The following TRPM6 variants were observed in gnomAD, a reference collection of about 807,000 sequenced individuals.
TRPM6 encodes the protein channel kinase 2.
TRPM6 carries 111 observed loss-of-function variants against 247.6 expected under a neutral mutation model. The observed-to-expected ratio is 0.45, with a 90% confidence interval of 0.38 to 0.52. The LOEUF (loss-of-function observed/expected upper bound fraction) is 0.52, where lower values mean the gene tolerates loss of function less well. Ranked by LOEUF, TRPM6 falls within the 20% of genes least tolerant of loss-of-function variation. The probability of loss-of-function intolerance (pLI) is 0.00; values close to 1 mark genes in which losing one functional copy is unlikely to be tolerated. For synonymous variants in TRPM6, 892 were observed against 853.8 expected, an observed-to-expected ratio of 1.04 and a Z score of -0.78; for missense variants, 2,126 against 2,421.5, an observed-to-expected ratio of 0.88 and a Z score of 2.56.
rs1466836905 is a variant in TRPM6 at position 74,834,126 on chromosome 9, T to C, written c.545-4A>G. ...TCCCCAACATGCTTGGACACTCCTA[T>C]GAACAACCAGTTTAGAAGTCAAACT... On this transcript the variant is annotated splice_polypyrimidine_tract_variant and splice_region_variant and intron_variant, in intron 5 of 38. Coordinates refer to ENST00000360774, the MANE Select transcript of TRPM6 (RefSeq NM_017662.5). 9 of 1,614,024 alleles carry C rather than the reference T, an allele frequency of 5.6e-6. No individual in the cohort carries two copies. Among genetic ancestry groups the C allele is most frequent in the Non-Finnish European group, 7.6e-6 (9 of 1,179,908 alleles).
In TRPM6 at chr9:74,800,426, C is replaced by A. The variant is rs375390431; in HGVS notation, c.2066G>T (p.Arg689Leu). 6.3e-5 allele frequency: 101 copies of A among 1,613,830 alleles called. No homozygotes were observed. The highest frequency in any genetic ancestry group is 1.2e-4 in the Admixed American group (7 of 59,976). ...LLEKAFKQNE[R>L]MAMTLLTYEL... ...ATACGTCAACAGCGTCATGGCCATG[C>A]GCTCATTCTGCTTGAATGCCTTCTC... Residue 689 changes from arginine (R) to leucine (L), a missense_variant, in exon 17 of 39, where the codon CGC becomes CTC. This residue lies in a region of TRPM6 where 1,082 missense variants were observed against 1,307.9 expected (regional missense o/e 0.83). Coordinates refer to ENST00000360774, the MANE Select transcript of TRPM6 (RefSeq NM_017662.5).
chr9:74,776,824 CAT>C (rs1388909687), intron 23 of TRPM6, among the ~76,000 whole-genome samples: 2 of 152,130 alleles, frequency 1.3e-5, no homozygotes, highest in African/African-American at 4.8e-5. Context: ...TAATATTTTG[CAT>C]AGACTAACAA....
rs145788992 is a variant in TRPM6, at chr9:74,796,781, C to G, written c.2351G>C (p.Ser784Thr). 2 of 1,614,018 alleles carry G rather than the reference C, an allele frequency of 1.2e-6. No individual in the cohort carries two copies. Among genetic ancestry groups the G allele is most frequent in the African/African-American group, 2.7e-5 (2 of 75,030 alleles). Residue 784 changes from serine (S) to threonine (T), a missense_variant, in exon 18 of 39, where the codon AGT becomes ACT. By Grantham distance (58) the Ser-to-Thr change is moderately conservative (BLOSUM62 1). Transcript: ENST00000360774. Reference protein sequence around the residue: ...SQDFQFMWYYSDQNASSSKES... With the variant: ...SQDFQFMWYYTDQNASSSKES... ...TTTGGAACTGCTGGCGTTCTGGTCACTGTAATACCACATAAATTGGAAGTC... is the reference window on the plus strand; with the variant it reads ...TTTGGAACTGCTGGCGTTCTGGTCAGTGTAATACCACATAAATTGGAAGTC...
chr9:74,755,257 G>A (rs1339948805), intron 28 of TRPM6, 96 bp downstream of exon 28: 4 of 1,299,138 alleles, frequency 3.1e-6, no homozygotes, highest in East Asian at 2.3e-5. Flanking sequence ...TCATCTCCAT[G>A]TGAAAGAACA....
chr9:74,839,995 G>C, intron 5 of TRPM6, 29 bp downstream of exon 5: 2 of 1,537,282 alleles, frequency 1.3e-6, no homozygotes, highest in Non-Finnish European at 1.8e-6. Context: ...GAAAGAGAGG[G>C]TGGGAGAAAT....
chr9:74,812,231 G>T, intron 12 of TRPM6, 68 bp downstream of exon 12: 3 of 1,604,846 alleles, frequency 1.9e-6, no homozygotes, highest in South Asian at 1.1e-5. Context: ...CCTCTGCATG[G>T]TCTGCTTGAT....
intron 3 of TRPM6, 58 bp from the exon 4 acceptor site, chr9:74,842,401 TCTAC>T (rs1197549653): frequency 9.7e-6 from 15 of 1,551,874 alleles, no homozygotes; most frequent in Non-Finnish European, 1.2e-5. Context: ...ATGCAATATG[TCTAC>T]CTTTTTCTAA....
At chr9:74,804,264 T>C (rs1231110752) in intron 14 of TRPM6, among the ~76,000 whole-genome samples, 1 of 152,110 alleles carries the variant, frequency 6.6e-6, no homozygotes, top group Non-Finnish European at 1.5e-5. Context: ...TAAGAAAAAA[T>C]TCCCATTCAC....
rs1317768986 is a variant in TRPM6 at position 74,802,128 on chromosome 9, T to C, written c.1779A>G (p.Gln593=). The C allele has an allele frequency of 1.2e-6, 2 of 1,614,174 alleles. No individual in the cohort carries two copies. The highest frequency in any genetic ancestry group is 8.5e-7 in the Non-Finnish European group (1 of 1,180,020). Residue 593 remains glutamine, a synonymous_variant, in exon 16 of 39, where the codon CAA becomes CAG. Transcript: ENST00000360774. Reference sequence around the variant, plus strand: ...TAGACTCAGGGTCATCTGATACATTTTGTTCTTTTGACTTCTTCCTTGATT... The same window carrying C: ...TAGACTCAGGGTCATCTGATACATTCTGTTCTTTTGACTTCTTCCTTGATT... ...LHKSRKKSKE[Q]NVSDDPESTG... is the part of the protein sequence containing the mutation.
At chr9:74,877,472 G>A (rs1006934330) in intron 1 of TRPM6, among the ~76,000 whole-genome samples, 3 of 152,072 alleles carry the variant, frequency 2.0e-5, no homozygotes, top group African/African-American at 7.3e-5. Flanking sequence ...TGAGTTCCAC[G>A]CACACTATGA....
intron 23 of TRPM6, among the ~76,000 whole-genome samples, chr9:74,779,115 A>G (rs1304421245): frequency 6.6e-6 from 1 of 152,106 alleles, no homozygotes; most frequent in African/African-American, 2.4e-5. Flanking sequence ...TGTCTCTACC[A>G]AAAATACAAA....
Position 74,776,028 on chromosome 9 carries a change from G to A in TRPM6, c.3258C>T (p.Tyr1086=). ...MESISNNLWK[Y]NRYRYIMTYH... ...AGGTCATGATGTAGCGATAGCGGTT[G>A]TATTTCCACAGGTTATTTGAAATGG... The change falls in exon 24 of 39, where the codon TAC becomes TAT. Residue 1086 remains tyrosine (Y), a synonymous_variant. Coordinates refer to ENST00000360774, the MANE Select transcript of TRPM6 (RefSeq NM_017662.5). 6.2e-7 allele frequency: 1 copy of A among 1,614,088 alleles called. No individual in the cohort carries two copies. The highest frequency in any genetic ancestry group is 1.3e-5 in the African/African-American group (1 of 75,022).
chr9:74,752,487 C>T (rs1826283220), intron 28 of TRPM6, 119 bp from the exon 29 acceptor site: 1 of 652,164 alleles, frequency 1.5e-6, no homozygotes, highest in Non-Finnish European at 2.6e-6. Flanking sequence ...TATAGTTTTC[C>T]CTTTCTGTTT....
At position 74,834,033 on chromosome 9, in the gene TRPM6, C is replaced by T. The variant is rs1207966932; in HGVS notation, c.634G>A (p.Val212Ile). Reference protein sequence around the residue: ...IWTVGIPPWGVIENQRDLIGK... With the variant: ...IWTVGIPPWGIIENQRDLIGK... Reference sequence around the variant, plus strand: ...ATAAGGTCTCTCTGGTTCTCAATGACACCCCAAGGAGGGATTCCAACTGTC... The same window carrying T: ...ATAAGGTCTCTCTGGTTCTCAATGATACCCCAAGGAGGGATTCCAACTGTC... Residue 212 changes from valine to isoleucine, a missense_variant, in exon 6 of 39, where the codon GTC (valine) becomes ATC (isoleucine). Physicochemically the swap from Val to Ile is conservative, Grantham distance 29 (BLOSUM62 3). Coordinates refer to ENST00000360774, the MANE Select transcript of TRPM6 (RefSeq NM_017662.5). 1.2e-6 allele frequency: 2 copies of T among 1,614,106 alleles called. No individual in the cohort carries two copies. Among genetic ancestry groups the T allele is most frequent in the Admixed American group, 1.7e-5 (1 of 60,010 alleles).
chr9:74,840,160 G>A lies in TRPM6; in HGVS notation c.408C>T (p.Pro136=). The A allele has an allele frequency of 6.2e-7, 1 of 1,613,976 alleles. No individual in the cohort carries two copies. The highest frequency in any genetic ancestry group is 1.7e-5 in the Admixed American group (1 of 60,020). The change falls in exon 5 of 39, where the codon CCC becomes CCT. Residue 136 remains proline (P), a synonymous_variant. Transcript: ENST00000360774. ...CCCCATGGACTGAGATCACAAGCTT[G>A]GGCAGTTCCATTTTCCACTCTTTCA... ...LMLKEWKMEL[P]KLVISVHGGI...
intron 1 of TRPM6, among the ~76,000 whole-genome samples, chr9:74,879,706 T>G (rs1378775984): frequency 6.6e-6 from 1 of 152,102 alleles, no homozygotes; most frequent in African/African-American, 2.4e-5. Flanking sequence ...CACATAGAGG[T>G]TCCTGAAGGG....
chr9:74,826,536 T>G (rs1461232226), intron 7 of TRPM6, among the ~76,000 whole-genome samples: 3 of 152,024 alleles, frequency 2.0e-5, no homozygotes, highest in Non-Finnish European at 2.9e-5. Context: ...AAGTCTACAG[T>G]TTTCCAGGCA....
At position 74,808,164 on chromosome 9, in the gene TRPM6, A is replaced by G. The variant is rs751175056; in HGVS notation, c.1508T>C (p.Leu503Pro). 1 of 1,613,978 alleles carries G rather than the reference A, an allele frequency of 6.2e-7. No individual in the cohort carries two copies. Among genetic ancestry groups the G allele is most frequent in the Admixed American group, 1.7e-5 (1 of 60,020 alleles). ...AATCAAGGTTATTCGGTAGCCTGAA[A>G]GAAGGGTATGCTGCAACAAAAACAT... Reference protein sequence around the residue: ...LVQDVKQHTLLSGYRITLIDI... With the variant: ...LVQDVKQHTLPSGYRITLIDI... Residue 503 changes from leucine to proline, a missense_variant, in exon 14 of 39, where the codon CTT (leucine) becomes CCT (proline). Leu to Pro is a moderately conservative substitution (Grantham distance 98). Transcript: ENST00000360774.
intron 16 of TRPM6, 54 bp downstream of exon 16, chr9:74,801,844 T>G: frequency 1.3e-6 from 2 of 1,599,408 alleles, no homozygotes; most frequent in Non-Finnish European, 1.7e-6. Context: ...TAAAAGTGTC[T>G]AACCATTCTA....
Sources: gnomAD v4.1 joint callset for allele counts (sites outside exome capture counted in the v4.1 genomes callset) on GRCh38, gnomAD v4.1.1 for gene constraint, gnomAD v4.1.1 regional missense constraint, MANE v1.5 for transcripts, NCBI Gene and HGNC (gene_info 2026-07-23, HGNC 2026-07-21) for gene names.